Variants in ABCC6 observed in about 807,000 individuals in gnomAD.
ABCC6 encodes ATP-binding cassette sub-family C member 6.
In ABCC6, 126 loss-of-function variants were observed where a neutral mutation model predicts 169.5. The observed-to-expected ratio is 0.74, with a 90% CI of 0.64 to 0.86. ABCC6 has a LOEUF of 0.86. ABCC6 is among the 40% of genes least tolerant of loss of function. ABCC6 has a pLI of 0.00. For synonymous variants in ABCC6, 752 were observed against 814.7 expected (o/e 0.92, Z 1.31); for missense variants, 1,733 against 1,927.2 (o/e 0.90, Z 1.89).
chr16:16,187,091 TC>T, intron 14 of ABCC6, 32 bp downstream of exon 14: 1 of 1,352,542 alleles, frequency 7.4e-7, no homozygotes, highest in Non-Finnish European at 1.0e-6. Flanking sequence ...CCCCCATCCC[TC>T]CCACACCCCT....
At chr16:16,204,646 G>A (rs909825152) in intron 7 of ABCC6, among the ~76,000 whole-genome samples, 1 of 152,116 alleles carries the variant, frequency 6.6e-6, no homozygotes, top group African/African-American at 2.4e-5. Flanking sequence ...CTGTGAGGCA[G>A]GTCAGAAGCC....
At chr16:16,220,993 G>A (rs1357641860) in intron 2 of ABCC6, among the ~76,000 whole-genome samples, 2 of 151,766 alleles carry the variant, frequency 1.3e-5, no homozygotes, top group African/African-American at 2.4e-5. Context: ...TTCAGTGTTC[G>A]GAAGGAAGAT....
chr16:16,192,958 G>T, intron 10 of ABCC6, 36 bp from the exon 11 acceptor site: 2 of 1,575,490 alleles, frequency 1.3e-6, no homozygotes, highest in Middle Eastern at 1.7e-4. Flanking sequence ...AGGAGATCCC[G>T]AGGAGCCCAG....
At chr16:16,185,203 G>A (rs1376799531) in intron 14 of ABCC6, among the ~76,000 whole-genome samples, 169 bp from the exon 15 acceptor site, 2 of 152,176 alleles carry the variant, frequency 1.3e-5, no homozygotes, top group South Asian at 2.1e-4. Flanking sequence ...GGGTGACCCC[G>A]CAGGGTTCTT....
intron 11 of ABCC6, 85 bp downstream of exon 11, chr16:16,192,745 G>T: frequency 7.6e-7 from 1 of 1,314,836 alleles, no homozygotes; most frequent in Non-Finnish European, 1.1e-6. Context: ...CTCGCACTCA[G>T]CTCTCCCCTC....
At chr16:16,169,922 C>A in intron 21 of ABCC6, 69 bp from the exon 22 acceptor site, 2 of 1,483,806 alleles carry the variant, frequency 1.3e-6, no homozygotes, top group Non-Finnish European at 1.8e-6. Flanking sequence ...GAGGCAAGGC[C>A]AGGCGAGGCT....
At position 16,161,514 on chromosome 16, in the gene ABCC6, G is replaced by T. The variant is rs149460452; in HGVS notation, c.3557C>A (p.Ala1186Asp). 69 of 1,613,868 alleles carry T rather than the reference G, an allele frequency of 4.3e-5. No individual in the cohort carries two copies. The highest frequency in any genetic ancestry group is 5.7e-5 in the Non-Finnish European group (67 of 1,180,050). Reference sequence around the variant, plus strand: ...TTTGCTCAGCACAGCACACGTGGCAGCTGCAAACACCAGGCCATTCCCCAG... The same window carrying T: ...TTTGCTCAGCACAGCACACGTGGCATCTGCAAACACCAGGCCATTCCCCAG... ...ELLGNGLVFA[A>D]ATCAVLSKAH... Residue 1186 changes from alanine (A) to aspartate (D), a missense_variant, in exon 25 of 31, where the codon GCT (alanine) becomes GAT (aspartate). Physicochemically the swap from Ala to Asp is moderately radical, Grantham distance 126. Around this residue, in one of 5 missense-constraint regions of ABCC6, gnomAD observed 1,601 missense variants for 1,635.5 expected, o/e 0.98. Coordinates refer to ENST00000205557, the MANE Select transcript of ABCC6 (RefSeq NM_001171.6).
chr16:16,161,485 G>C lies in ABCC6; in HGVS notation c.3586C>G (p.His1196Asp), dbSNP rs146284800. 9 of 1,613,884 alleles carry C rather than the reference G, an allele frequency of 5.6e-6. No individual in the cohort carries two copies. In the African/African-American group the frequency reaches 1.1e-4, roughly 19 times the overall value. The change falls in exon 25 of 31, where the codon CAC becomes GAC. Residue 1196 changes from histidine (H) to aspartate (D), a missense_variant. Physicochemically the swap from His to Asp is moderately conservative, Grantham distance 81. Around this residue, in one of 5 missense-constraint regions of ABCC6, gnomAD observed 1,601 missense variants for 1,635.5 expected, o/e 0.98. Transcript: ENST00000205557. ...AATCAVLSKA[H>D]LSAGLVGFSV... Reference sequence around the variant, plus strand: ...AAGCCCACGAGGCCAGCACTGAGGTGGGCTTTGCTCAGCACAGCACACGTG... The same window carrying C: ...AAGCCCACGAGGCCAGCACTGAGGTCGGCTTTGCTCAGCACAGCACACGTG...
At position 16,221,650 on chromosome 16, in the gene ABCC6, A is replaced by G. The variant is rs758559224; in HGVS notation, c.218T>C (p.Met73Thr). 1 of 1,613,884 alleles carries G rather than the reference A, an allele frequency of 6.2e-7. No homozygotes were observed. The highest frequency in any genetic ancestry group is 8.5e-7 in the Non-Finnish European group (1 of 1,179,842). The change falls in exon 2 of 31, where the codon ATG becomes ACG. Residue 73 changes from methionine to threonine, a missense_variant and splice_region_variant. Around this residue, in one of 5 missense-constraint regions of ABCC6, gnomAD observed 66 missense variants for 69.5 expected, o/e 0.95. Coordinates refer to ENST00000205557, the MANE Select transcript of ABCC6 (RefSeq NM_001171.6). ...CAGGCTCCCAGGGATGGCAGCTACCATCTTGGCTTTGAAGAGTGGGGACAT... is the reference window on the plus strand; with the variant it reads ...CAGGCTCCCAGGGATGGCAGCTACCGTCTTGGCTTTGAAGAGTGGGGACAT... ...LRMSPLFKAKMVLGFALIVLC... is the reference protein window; with the variant it reads ...LRMSPLFKAKTVLGFALIVLC...
In ABCC6 at chr16:16,198,045, C is replaced by G; in HGVS notation, c.1314G>C (p.Val438=). Residue 438 remains valine, a synonymous_variant, in exon 10 of 31, where the codon GTG becomes GTC. Transcript: ENST00000205557. ...CCTGCCAGAGATAGACGAAGCAGAC[C>G]ACGATCCAGACGAGAGGCAGCCACA... is the stretch of plus-strand genomic sequence containing the variant. ...NGLWLPLVWI[V]VCFVYLWQLL... 2 of 1,614,150 alleles carry G rather than the reference C, an allele frequency of 1.2e-6. No individual in the cohort carries two copies. Among genetic ancestry groups the G allele is most frequent in the African/African-American group, 1.3e-5 (1 of 75,042 alleles).
rs372062746 is a variant in ABCC6, at chr16:16,221,705, T to C, written c.163A>G (p.Ile55Val). The change falls in exon 2 of 31, where the codon ATC (isoleucine) becomes GTC (valine). Residue 55 changes from isoleucine to valine, a missense_variant. Ile to Val is a conservative substitution (Grantham distance 29). This residue lies in a region of ABCC6 where 66 missense variants were observed against 69.5 expected (regional missense o/e 0.95). Coordinates refer to ENST00000205557, the MANE Select transcript of ABCC6 (RefSeq NM_001171.6). ...WVLGPIYLLF[I>V]HHHGRGYLRM... ...AGGTAGCCCCGGCCATGGTGGTGGA[T>C]GAAGAGGAGGTAGATGGGACCAAGG... 33 of 1,613,744 alleles carry C rather than the reference T, an allele frequency of 2.0e-5. No individual in the cohort carries two copies. Among genetic ancestry groups the C allele is most frequent in the South Asian group, 1.4e-4 (13 of 91,044 alleles).
In ABCC6 at chr16:16,168,068, T is replaced by G. The variant is rs148929222; in HGVS notation, c.2995+1578A>C. ...GTACAGGTTCTTAGGACTAGAAGAG[T>G]CCTCAAGTTCAGGCCTGGCGCCCCC... is the stretch of plus-strand genomic sequence containing the variant. On this transcript the variant is annotated intron_variant, in intron 22 of 30. Transcript: ENST00000205557. Among the ~76,000 whole-genome samples the G allele has an allele frequency of 8.4e-3, 1,273 of 152,066 alleles. 20 individuals are homozygous for G. Among genetic ancestry groups the G allele is most frequent in the African/African-American group, 0.028 (1,159 of 41,444 alleles).
At chr16:16,162,580 T>C (rs1004759936) in intron 24 of ABCC6, among the ~76,000 whole-genome samples, 1 of 152,212 alleles carries the variant, frequency 6.6e-6, no homozygotes, top group Non-Finnish European at 1.5e-5. Flanking sequence ...GTTTGACAAA[T>C]GAGGCTCAGA....
At chr16:16,167,727 C>G (rs2046922773) in intron 22 of ABCC6, among the ~76,000 whole-genome samples, 1 of 152,216 alleles carries the variant, frequency 6.6e-6, no homozygotes, top group Non-Finnish European at 1.5e-5. Context: ...CCTCGGCCTC[C>G]CAAAGTGCTG....
At chr16:16,196,621 A>G (rs1396853487) in intron 10 of ABCC6, among the ~76,000 whole-genome samples, 1 of 152,190 alleles carries the variant, frequency 6.6e-6, no homozygotes, top group Non-Finnish European at 1.5e-5. Flanking sequence ...GGGTCCTTGC[A>G]CACAGATTCA....
chr16:16,201,899 G>C, intron 9 of ABCC6, 102 bp downstream of exon 9: 2 of 1,303,562 alleles, frequency 1.5e-6, no homozygotes, highest in Non-Finnish European at 2.2e-6. Flanking sequence ...ACTCTAATAA[G>C]CAAGGACTGA....
rs1412450754 is a variant in ABCC6, at chr16:16,177,543, C to A, written c.2499G>T (p.Glu833Asp). ...IIVLANGAIA[E>D]MGSYQELLQR... The stretch of plus-strand genomic sequence containing the variant: ...GCAGAAGCTCCTGGTAGGAACCCAT[C>A]TCTGCGATGGCCCCATTTGCCAGCA... Residue 833 changes from glutamate to aspartate, a missense_variant, in exon 19 of 31, where the codon GAG (glutamate) becomes GAT (aspartate). Glu to Asp is a conservative substitution (Grantham distance 45, BLOSUM62 2). Coordinates refer to ENST00000205557, the MANE Select transcript of ABCC6 (RefSeq NM_001171.6). 1 of 1,614,250 alleles carries A rather than the reference C, an allele frequency of 6.2e-7. No individual in the cohort carries two copies. The highest frequency in any genetic ancestry group is 1.1e-5 in the South Asian group (1 of 91,092).
intron 27 of ABCC6, 109 bp downstream of exon 27, chr16:16,157,554 C>A (rs921096349): frequency 4.0e-5 from 57 of 1,426,620 alleles, no homozygotes; most frequent in Admixed American, 5.7e-5. Context: ...GCTAGGGGAC[C>A]TGAGGTGGGG....
rs2047353377 is a variant in ABCC6 at position 16,178,316 on chromosome 16, G to A, written c.2415+482C>T. Among the ~76,000 whole-genome samples, 3 of 151,388 alleles carry A rather than the reference G, an allele frequency of 2.0e-5. No homozygotes were observed. In the South Asian group the frequency reaches 6.3e-4, roughly 32 times the overall value. On this transcript the variant is annotated intron_variant, in intron 18 of 30. Coordinates refer to ENST00000205557, the MANE Select transcript of ABCC6 (RefSeq NM_001171.6). The stretch of plus-strand genomic sequence containing the variant: ...CCCTCCAGACTGAAAGACAGAGCGA[G>A]ACTCCATCTCAAAAAAAAAAGAAAA...
Sources: allele counts gnomAD v4.1 joint callset (sites outside exome capture counted in the v4.1 genomes callset), GRCh38; gene constraint gnomAD v4.1.1; regional missense constraint gnomAD v4.1.1; transcripts MANE v1.5; gene names NCBI Gene and HGNC (gene_info 2026-07-23, HGNC 2026-07-21).